The following TLK1 variants were observed in gnomAD, a reference collection of about 807,000 sequenced individuals.
The protein encoded by TLK1 is tousled like kinase 1.
In TLK1, 24 loss-of-function variants were observed where a neutral mutation model predicts 105.3. The observed-to-expected ratio is 0.23, with a 90% CI of 0.17 to 0.32. TLK1 has a LOEUF of 0.32. TLK1 is among the 10% of genes least tolerant of loss of function. The probability of loss-of-function intolerance (pLI) is 1.00; values close to 1 mark genes in which losing one functional copy is unlikely to be tolerated. For synonymous variants in TLK1, 321 were observed against 310.4 expected (o/e 1.03, Z -0.36); for missense variants, 558 against 910.5 (o/e 0.61, Z 4.98).
At chr2:170,997,431 T>C (rs978645823) in intron 19 of TLK1, among the ~76,000 whole-genome samples, 6 of 152,068 alleles carry the variant, frequency 3.9e-5, no homozygotes, top group African/African-American at 9.7e-5. Context: ...ATGAAAAGTA[T>C]TGACTCCAGT....
intron 1 of TLK1, among the ~76,000 whole-genome samples, chr2:171,149,948 G>A (rs752850205): frequency 2.0e-5 from 3 of 151,694 alleles, no homozygotes; most frequent in East Asian, 1.9e-4. Context: ...AAGAACAAAC[G>A]AACGAACGAA....
chr2:171,195,452 C>G (rs143974432), intron 1 of TLK1, among the ~76,000 whole-genome samples: 2,170 of 140,016 alleles, frequency 0.015, 29 homozygotes, highest in Middle Eastern at 0.04. Context: ...GCAGTCAGCC[C>G]AGATGGCGCC....
At chr2:171,023,624 C>T (rs1355819511) in intron 12 of TLK1, among the ~76,000 whole-genome samples, 2 of 152,156 alleles carry the variant, frequency 1.3e-5, no homozygotes, top group African/African-American at 2.4e-5. Flanking sequence ...ATTTGAGTAA[C>T]AGCAGTCTCA....
intron 1 of TLK1, among the ~76,000 whole-genome samples, chr2:171,125,271 C>T (rs1009271589): frequency 6.6e-6 from 1 of 152,150 alleles, no homozygotes; most frequent in Non-Finnish European, 1.5e-5. Flanking sequence ...CAGAGTTGGA[C>T]ATAGTGTAGT....
At chr2:171,099,496 T>G (rs1010989794) in intron 2 of TLK1, among the ~76,000 whole-genome samples, 1 of 152,114 alleles carries the variant, frequency 6.6e-6, no homozygotes, top group East Asian at 1.9e-4. Context: ...TTGTTGAAAT[T>G]GACAAATTGA....
At chr2:171,027,060 T>A (rs1192636183) in intron 12 of TLK1, among the ~76,000 whole-genome samples, 1 of 152,088 alleles carries the variant, frequency 6.6e-6, no homozygotes, top group Non-Finnish European at 1.5e-5. Flanking sequence ...TAATGCAAAT[T>A]ATATATAATA....
chr2:171,085,871 A>C (rs544112528), intron 2 of TLK1, among the ~76,000 whole-genome samples: 4 of 152,378 alleles, frequency 2.6e-5, no homozygotes, highest in Middle Eastern at 3.4e-3. Context: ...AAATGCATGC[A>C]AAGTTAATAG....
At chr2:171,212,063 C>G (rs1262020908) in intron 1 of TLK1, among the ~76,000 whole-genome samples, 1 of 151,352 alleles carries the variant, frequency 6.6e-6, no homozygotes, top group Non-Finnish European at 1.5e-5. Flanking sequence ...CCAGGCTGGT[C>G]TCGAACTCCT....
intron 1 of TLK1, among the ~76,000 whole-genome samples, chr2:171,186,584 C>T (rs1693028992): frequency 6.6e-6 from 1 of 152,132 alleles, no homozygotes; most frequent in African/African-American, 2.4e-5. Context: ...CATCCATTTC[C>T]CATTGGCTAG....
intron 1 of TLK1, among the ~76,000 whole-genome samples, chr2:171,197,368 C>T (rs771499451): frequency 7.2e-5 from 11 of 151,968 alleles, no homozygotes; most frequent in Admixed American, 5.2e-4. Flanking sequence ...CAAAAAAACC[C>T]GAAAATACCC....
chr2:171,055,219 A>AAC, intron 6 of TLK1, 47 bp from the exon 7 acceptor site: 1 of 1,165,492 alleles, frequency 8.6e-7, no homozygotes, highest in Non-Finnish European at 1.2e-6. Flanking sequence ...AAAAAAAAAA[A>AAC]AACACAAAAC....
At chr2:171,049,058 A>G (rs984512216) in intron 10 of TLK1, among the ~76,000 whole-genome samples, 15 of 152,194 alleles carry the variant, frequency 9.9e-5, no homozygotes, top group African/African-American at 2.4e-4. Context: ...GTTCTCATGT[A>G]TAAGTGGGAG....
intron 11 of TLK1, among the ~76,000 whole-genome samples, chr2:171,037,832 T>C (rs1221670532): frequency 6.6e-6 from 1 of 152,196 alleles, no homozygotes; most frequent in Non-Finnish European, 1.5e-5. Context: ...TGTACAATCT[T>C]TGTTGAGTTT....
intron 1 of TLK1, among the ~76,000 whole-genome samples, chr2:171,168,754 T>C (rs1558978989): frequency 6.6e-6 from 1 of 151,928 alleles, no homozygotes; most frequent in Non-Finnish European, 1.5e-5. Flanking sequence ...TATAGTTACA[T>C]TGAGATTTTA....
chr2:171,057,397 A>C (rs1479418952), intron 5 of TLK1, among the ~76,000 whole-genome samples: 1 of 152,040 alleles, frequency 6.6e-6, no homozygotes, highest in African/African-American at 2.4e-5. Flanking sequence ...AAAATTTAGC[A>C]CATAGTAGGC....
At chr2:171,071,438 C>A (rs925051605) in intron 3 of TLK1, among the ~76,000 whole-genome samples, 3 of 152,254 alleles carry the variant, frequency 2.0e-5, no homozygotes, top group South Asian at 2.1e-4. Context: ...CAGGCACCTG[C>A]CACCATGTCC....
intron 1 of TLK1, among the ~76,000 whole-genome samples, chr2:171,215,517 G>A (rs1050867561): frequency 2.6e-5 from 4 of 152,126 alleles, no homozygotes; most frequent in East Asian, 1.9e-4. Flanking sequence ...AGACAGGCAC[G>A]GTGATGTATT....
At chr2:171,068,497 TCA>T (rs1688114258) in intron 3 of TLK1, among the ~76,000 whole-genome samples, 1 of 152,178 alleles carries the variant, frequency 6.6e-6, no homozygotes, top group African/African-American at 2.4e-5. Context: ...AATTGCTCTA[TCA>T]TATCTTTATT....
intron 18 of TLK1, among the ~76,000 whole-genome samples, chr2:171,004,575 T>A (rs1046064255): frequency 1.3e-5 from 2 of 152,172 alleles, no homozygotes; most frequent in Admixed American, 6.5e-5. Flanking sequence ...CCCTCGAACA[T>A]CTGTAAAAGG....
Sources: allele counts gnomAD v4.1 joint callset (sites outside exome capture counted in the v4.1 genomes callset), GRCh38; gene constraint gnomAD v4.1.1; transcripts MANE v1.5; gene names NCBI Gene and HGNC (gene_info 2026-07-23, HGNC 2026-07-21).